GALNT13: variants seen among roughly 807,000 people sequenced by gnomAD.
The protein encoded by GALNT13 is UDP-GalNAc:polypeptide N-acetylgalactosaminyltransferase 13.
GALNT13 carries 28 observed loss-of-function variants against 64.2 expected under a neutral mutation model. The observed-to-expected ratio is 0.44, with a 90% CI of 0.32 to 0.60. GALNT13 has a LOEUF of 0.60. GALNT13 is among the 20% of genes least tolerant of loss of function. The pLI, the probability that GALNT13 is intolerant of heterozygous loss-of-function variation, is 0.05. For missense variants in GALNT13, 577 were observed against 669.8 expected (o/e 0.86, Z 1.53); for synonymous variants, 214 against 224.6 (o/e 0.95, Z 0.42).
At chr2:154,343,656 T>C (rs1695898410) in intron 9 of GALNT13, among the ~76,000 whole-genome samples, 1 of 152,080 alleles carries the variant, frequency 6.6e-6, no homozygotes, top group African/African-American at 2.4e-5. Flanking sequence ...TATGTTGATC[T>C]TGAAGATCCA....
At chr2:153,971,564 G>A (rs1693743032) in intron 3 of GALNT13, among the ~76,000 whole-genome samples, 1 of 152,024 alleles carries the variant, frequency 6.6e-6, no homozygotes, top group Non-Finnish European at 1.5e-5. Flanking sequence ...CCACTAGAGA[G>A]ACTTATTTCA....
intron 3 of GALNT13, among the ~76,000 whole-genome samples, chr2:154,057,019 T>A (rs1313559954): frequency 6.6e-6 from 1 of 151,946 alleles, no homozygotes; most frequent in East Asian, 1.9e-4. Context: ...TTAAACTTTT[T>A]ATTTTTATTT....
At chr2:153,915,897 C>T (rs1449036542) in intron 2 of GALNT13, among the ~76,000 whole-genome samples, 3 of 152,162 alleles carry the variant, frequency 2.0e-5, no homozygotes, top group African/African-American at 2.4e-5. Context: ...TATTTTCTAC[C>T]TACCCATCAT....
rs188594052 is a variant in GALNT13, at chr2:154,407,929, A to G, written c.1297-1055A>G. On this transcript the variant is annotated intron_variant, in intron 10 of 12. Transcript: ENST00000392825. ...ATTGTATAAACCAAATTCATCCTCT[A>G]TATGTTTATGTAGTAAGTTTCCTGT... Among the ~76,000 whole-genome samples the G allele has an allele frequency of 1.1e-3, 169 of 152,240 alleles. 1 individual carries two copies. The highest frequency in any genetic ancestry group is 3.8e-3 in the African/African-American group (160 of 41,564).
At chr2:153,139,931 T>C in the GALNT13 span, among the ~76,000 whole-genome samples, 1 of 152,056 alleles carries the variant, frequency 6.6e-6, no homozygotes, top group Non-Finnish European at 1.5e-5. Context: ...GAAGCTCTCA[T>C]AAATAGGAGT....
the GALNT13 span, among the ~76,000 whole-genome samples, chr2:153,731,950 G>A: frequency 6.6e-6 from 1 of 151,996 alleles, no homozygotes; most frequent in East Asian, 1.9e-4. Flanking sequence ...GATGCTCCGA[G>A]AGCTTATAAA....
chr2:154,160,895 A>C (rs1165346054), intron 4 of GALNT13, among the ~76,000 whole-genome samples: 1 of 152,198 alleles, frequency 6.6e-6, no homozygotes. Flanking sequence ...TCACTGTTAC[A>C]ATATCAGTAC....
chr2:153,533,233 G>A, the GALNT13 span, among the ~76,000 whole-genome samples: 1 of 151,892 alleles, frequency 6.6e-6, no homozygotes, highest in Non-Finnish European at 1.5e-5. Flanking sequence ...AGGTGGAGAG[G>A]CATTTATTTA....
the GALNT13 span, among the ~76,000 whole-genome samples, chr2:153,546,494 T>G: frequency 6.6e-6 from 1 of 152,158 alleles, no homozygotes; most frequent in Admixed American, 6.5e-5. Context: ...TTTGTAAAAT[T>G]TTATGAAAGG....
the GALNT13 span, among the ~76,000 whole-genome samples, chr2:153,511,445 A>G: frequency 1.1e-4 from 16 of 151,842 alleles, no homozygotes; most frequent in Non-Finnish European, 1.8e-4. Flanking sequence ...GAGATGTGGA[A>G]CTCCTTTTCA....
chr2:153,416,790 T>C, the GALNT13 span, among the ~76,000 whole-genome samples: 1 of 152,214 alleles, frequency 6.6e-6, no homozygotes, highest in African/African-American at 2.4e-5. Flanking sequence ...CACCGAATAC[T>C]CTTGCCCTCA....
At chr2:153,278,939 C>G in the GALNT13 span, among the ~76,000 whole-genome samples, 25 of 152,258 alleles carry the variant, frequency 1.6e-4, no homozygotes, top group East Asian at 4.6e-3. Context: ...CTGCAGGTTA[C>G]TTTGGGCAAT....
the GALNT13 span, among the ~76,000 whole-genome samples, chr2:153,726,071 A>G: frequency 6.6e-6 from 1 of 152,156 alleles, no homozygotes; most frequent in East Asian, 1.9e-4. Flanking sequence ...CTTAAAGTAG[A>G]GACTTCTGAA....
chr2:154,417,791 T>G (rs1018678375), intron 11 of GALNT13, among the ~76,000 whole-genome samples: 23 of 152,000 alleles, frequency 1.5e-4, no homozygotes, highest in Admixed American at 3.3e-4. Flanking sequence ...GGATTACAGG[T>G]GTGAGCCACC....
the GALNT13 span, among the ~76,000 whole-genome samples, chr2:153,415,475 T>TA: frequency 6.6e-6 from 1 of 152,232 alleles, no homozygotes; most frequent in African/African-American, 2.4e-5. Flanking sequence ...TTCTGAAGGT[T>TA]ACTCATGGAC....
rs148954033 is a variant in GALNT13, at chr2:154,357,755, T to G, written c.1157-38236T>G. ...TTTATATCCCAGTATCAGTCACATT[T>G]GACATTCAGCTGGAGTGATGGCAGA... On this transcript the variant is annotated intron_variant, in intron 9 of 12. Transcript: ENST00000392825. 3.7e-4 allele frequency among the ~76,000 whole-genome samples: 56 copies of G among 152,158 alleles called. 1 individual carries two copies. The highest frequency in any genetic ancestry group is 3.4e-3 in the Middle Eastern group (1 of 294).
chr2:154,217,708 CT>C (rs1045721447), intron 4 of GALNT13, among the ~76,000 whole-genome samples: 2 of 151,986 alleles, frequency 1.3e-5, no homozygotes, highest in Non-Finnish European at 2.9e-5. Flanking sequence ...AAATAATTTT[CT>C]TTTTTCATGA....
the GALNT13 span, among the ~76,000 whole-genome samples, chr2:153,718,364 A>G: frequency 1.3e-5 from 2 of 151,984 alleles, no homozygotes; most frequent in Admixed American, 1.3e-4. Context: ...GTCTCTCTTA[A>G]TCACCCGTGT....
At chr2:154,084,991 G>C (rs1701455800) in intron 3 of GALNT13, among the ~76,000 whole-genome samples, 1 of 151,738 alleles carries the variant, frequency 6.6e-6, no homozygotes, top group Non-Finnish European at 1.5e-5. Flanking sequence ...TTTTGGTCTT[G>C]TGCATGTTCC....
Sources: gnomAD v4.1 joint callset for allele counts (sites outside exome capture counted in the v4.1 genomes callset) on GRCh38, gnomAD v4.1.1 for gene constraint, MANE v1.5 for transcripts, NCBI Gene and HGNC (gene_info 2026-07-23, HGNC 2026-07-21) for gene names.